The following NIM1K variants were observed in gnomAD, a reference collection of about 807,000 sequenced individuals.
NIM1K encodes NIM1 serine/threonine protein kinase.
A neutral mutation model predicts 37.1 loss-of-function variants in NIM1K; 35 were observed. The ratio of observed to expected loss-of-function variants is 0.94; its 90% CI spans 0.72 to 1.25. The LOEUF is 1.25. NIM1K is among the 50% of genes most tolerant of loss of function. The pLI, the probability that NIM1K is intolerant of heterozygous loss-of-function variation, is 0.00. For synonymous variants in NIM1K, 234 were observed against 206.6 expected (o/e 1.13, Z -1.14); for missense variants, 564 against 548.0 (o/e 1.03, Z -0.29).
In NIM1K at chr5:43,280,254, T is replaced by C. The variant is rs780013839; in HGVS notation, c.836T>C (p.Leu279Pro). 3.7e-6 allele frequency: 6 copies of C among 1,614,038 alleles called. No individual in the cohort carries two copies. The highest frequency in any genetic ancestry group is 5.1e-6 in the Non-Finnish European group (6 of 1,180,014). ...TTTCGGGCAGAAACCGTGGCCAAAC[T>C]AAAAAAGAGCATCCTCGAGGGCACA... Reference protein sequence around the residue: ...MPFRAETVAKLKKSILEGTYS... With the variant: ...MPFRAETVAKPKKSILEGTYS... The change falls in exon 4 of 4, where the codon CTA becomes CCA. Residue 279 changes from leucine to proline, a missense_variant. Coordinates refer to ENST00000326035, the MANE Select transcript of NIM1K (RefSeq NM_153361.4).
chr5:43,213,197 CTTTCT>C (rs770326593), intron 1 of NIM1K, among the ~76,000 whole-genome samples: 1 of 53,938 alleles, frequency 1.9e-5, no homozygotes, highest in East Asian at 2.9e-4. Flanking sequence ...TTCTTTCTTT[CTTTCT>C]TTCTTTCTTT....
intron 2 of NIM1K, among the ~76,000 whole-genome samples, chr5:43,257,000 G>A (rs898804943): frequency 6.6e-6 from 1 of 152,160 alleles, no homozygotes; most frequent in Admixed American, 6.5e-5. Context: ...CAAGTGAGCA[G>A]GGTATTTATG....
intron 1 of NIM1K, among the ~76,000 whole-genome samples, chr5:43,212,871 T>C: frequency 6.6e-6 from 1 of 152,296 alleles, no homozygotes; most frequent in African/African-American, 2.4e-5. Context: ...AAGCCCTAAC[T>C]TCAAGAGCAA....
Position 43,217,521 on chromosome 5 carries a change from G to C in NIM1K, c.-695+25110G>C, listed in dbSNP as rs144528332. Among the ~76,000 whole-genome samples the C allele has an allele frequency of 2.5e-3, 374 of 149,932 alleles. 2 individuals are homozygous for C. The highest frequency in any genetic ancestry group is 8.7e-3 in the African/African-American group (354 of 40,918). On this transcript the variant is annotated intron_variant, in intron 1 of 3. Transcript: ENST00000326035. ...ACGTTCCAACCAGCAGCATATTATGGTTCCAGTTTCTCCACACCCTTGCCA... is the reference window on the plus strand; with the variant it reads ...ACGTTCCAACCAGCAGCATATTATGCTTCCAGTTTCTCCACACCCTTGCCA...
chr5:43,267,439 G>A lies in NIM1K; in HGVS notation c.293-9618G>A, dbSNP rs149949304. On this transcript the variant is annotated intron_variant, in intron 2 of 3. Coordinates refer to ENST00000326035, the MANE Select transcript of NIM1K (RefSeq NM_153361.4). ...TTTACTAACCTTGTGTAATATTTTT[G>A]TTTCAATTTCATTTATTTCTGCTCT... Among the ~76,000 whole-genome samples the A allele has an allele frequency of 5.0e-3, 755 of 152,012 alleles. 6 individuals are homozygous for A. The highest frequency in any genetic ancestry group is 0.018 in the African/African-American group (727 of 41,460).
At chr5:43,275,214 T>C (rs531216450) in intron 2 of NIM1K, among the ~76,000 whole-genome samples, 2 of 152,354 alleles carry the variant, frequency 1.3e-5, no homozygotes, top group South Asian at 4.1e-4. Flanking sequence ...TCTGTATTTT[T>C]CCTCACTTGT....
intron 2 of NIM1K, among the ~76,000 whole-genome samples, chr5:43,272,134 A>G (rs1753265904): frequency 1.3e-5 from 2 of 152,324 alleles, no homozygotes; most frequent in East Asian, 3.9e-4. Flanking sequence ...GATGTTGAAT[A>G]TTAAAAAAAT....
chr5:43,261,438 C>A (rs1753028995), intron 2 of NIM1K, among the ~76,000 whole-genome samples: 2 of 152,240 alleles, frequency 1.3e-5, no homozygotes, highest in African/African-American at 4.8e-5. Flanking sequence ...ATCCTTTGCC[C>A]ACTTTTTGAT....
chr5:43,259,538 T>G (rs149641529), intron 2 of NIM1K, among the ~76,000 whole-genome samples: 91 of 152,308 alleles, frequency 6.0e-4, no homozygotes, highest in African/African-American at 2.1e-3. Context: ...ATTAGTGATG[T>G]AGAGTGTTTT....
chr5:43,246,864 G>A (rs1752785911), intron 2 of NIM1K, among the ~76,000 whole-genome samples: 1 of 151,936 alleles, frequency 6.6e-6, no homozygotes, highest in African/African-American at 2.4e-5. Context: ...AGAAGTCTGG[G>A]GATTATCATA....
chr5:43,244,381 G>A lies in NIM1K; in HGVS notation c.-694-701G>A, dbSNP rs571083840. Among the ~76,000 whole-genome samples the A allele has an allele frequency of 2.6e-3, 390 of 152,336 alleles. 5 individuals are homozygous for A. The highest frequency in any genetic ancestry group is 9.0e-3 in the African/African-American group (374 of 41,572). ...CACCTTCACTGAGATGGGACATTTT[G>A]GAAAATGCACGAAGTGCTGTGGGAA... On this transcript the variant is annotated intron_variant, in intron 1 of 3. Coordinates refer to ENST00000326035, the MANE Select transcript of NIM1K (RefSeq NM_153361.4).
intron 2 of NIM1K, among the ~76,000 whole-genome samples, chr5:43,267,344 C>G (rs1429881208): frequency 6.6e-6 from 1 of 152,108 alleles, no homozygotes; most frequent in Non-Finnish European, 1.5e-5. Context: ...TTCAAAACTT[C>G]TCTCCTCTTA....
chr5:43,278,040 C>A (rs1753378414), intron 3 of NIM1K, among the ~76,000 whole-genome samples: 1 of 143,388 alleles, frequency 7.0e-6, no homozygotes, highest in Non-Finnish European at 1.5e-5. Flanking sequence ...TCCTTCCTTT[C>A]TTTCTGTTTC....
At position 43,277,193 on chromosome 5, in the gene NIM1K, A is replaced by C. The variant is rs539780901; in HGVS notation, c.429A>C (p.Leu143=). 1.1e-5 allele frequency: 17 copies of C among 1,614,106 alleles called. No homozygotes were observed. In the South Asian group the frequency reaches 1.8e-4, roughly 17 times the overall value. The part of the protein sequence containing the change: ...IIRLYEVVET[L]SKLHLVMEYA... Reference sequence around the variant, plus strand: ...GCCTTTACGAAGTGGTGGAGACCCTATCCAAGCTGCACTTGGTGATGGAGT... The same window carrying C: ...GCCTTTACGAAGTGGTGGAGACCCTCTCCAAGCTGCACTTGGTGATGGAGT... The change falls in exon 3 of 4, where the codon CTA becomes CTC. Residue 143 remains leucine (L), a synonymous_variant. Transcript: ENST00000326035.
At position 43,245,964 on chromosome 5, in the gene NIM1K, G is replaced by A; in HGVS notation, c.189G>A (p.Arg63=). The change falls in exon 2 of 4, where the codon AGG becomes AGA. Residue 63 remains arginine, a synonymous_variant. Coordinates refer to ENST00000326035, the MANE Select transcript of NIM1K (RefSeq NM_153361.4). ...TGTCCCAGGATGAGAAGGTGGTGAG[G>A]GAGATCACGCTGGGGAAACGGATAG... ...QDMSQDEKVV[R]EITLGKRIGF... is the part of the protein sequence containing the mutation. 1.2e-6 allele frequency: 2 copies of A among 1,614,136 alleles called. No homozygotes were observed. Among genetic ancestry groups the A allele is most frequent in the African/African-American group, 1.3e-5 (1 of 75,024 alleles).
Position 43,245,983 on chromosome 5 carries a change from C to G in NIM1K, c.208C>G (p.Arg70Gly), listed in dbSNP as rs777253367. Reference protein sequence around the residue: ...KVVREITLGKRIGFYRIRGEI... With the variant: ...KVVREITLGKGIGFYRIRGEI... ...GGTGAGGGAGATCACGCTGGGGAAA[C>G]GGATAGGCTTCTACCGAATTCGAGG... Residue 70 changes from arginine to glycine, a missense_variant, in exon 2 of 4, where the codon CGG becomes GGG. Transcript: ENST00000326035. 6.2e-7 allele frequency: 1 copy of G among 1,614,068 alleles called. No individual in the cohort carries two copies. The highest frequency in any genetic ancestry group is 1.1e-5 in the South Asian group (1 of 91,072).
chr5:43,198,226 TTTCTTTCTTTCTTTCTTTCTTTTC>T (rs1751960945), intron 1 of NIM1K, among the ~76,000 whole-genome samples: 1 of 128,244 alleles, frequency 7.8e-6, no homozygotes, highest in African/African-American at 2.8e-5. Flanking sequence ...TCTTTCTTTC[TTTCTTTCTTTCTTTCTTTCTTTTC>T]TTTCTTTCCT....
chr5:43,212,073 A>G (rs1752212036), intron 1 of NIM1K, among the ~76,000 whole-genome samples: 1 of 152,142 alleles, frequency 6.6e-6, no homozygotes, highest in Non-Finnish European at 1.5e-5. Context: ...GTATTTTAAG[A>G]CTTTTATTTC....
At chr5:43,277,779 CGTGTGTGTGTGTGTGT>C (rs765779433) in intron 3 of NIM1K, among the ~76,000 whole-genome samples, 5 of 127,444 alleles carry the variant, frequency 3.9e-5, no homozygotes, top group African/African-American at 9.7e-5. Context: ...CCCCCCTCTC[CGTGTGTGTGTGTGTGT>C]GTGTGTGTGT....
Sources: gnomAD v4.1 joint callset for allele counts (sites outside exome capture counted in the v4.1 genomes callset) on GRCh38, gnomAD v4.1.1 for gene constraint, MANE v1.5 for transcripts, NCBI Gene and HGNC (gene_info 2026-07-23, HGNC 2026-07-21) for gene names.